HACE1: variants seen among roughly 807,000 people sequenced by gnomAD.
HACE1 encodes the protein HECT domain and ankyrin repeat containing E3 ubiquitin protein ligase 1, also known as E3 ubiquitin-protein ligase HACE1.
Under a neutral mutation model 118.4 loss-of-function variants are expected in HACE1, and 73 were observed. The ratio of observed to expected loss-of-function variants is 0.62; its 90% CI spans 0.51 to 0.75. The LOEUF (loss-of-function observed/expected upper bound fraction) is 0.75. Among genes scored for constraint, HACE1 ranks in the 30% least tolerant of loss-of-function variants. The pLI is 0.00. For synonymous variants in HACE1, 368 were observed against 374.8 expected (o/e 0.98, Z 0.21); for missense variants, 749 against 1,102.2 (o/e 0.68, Z 4.54).
At chr6:104,738,045 C>G (rs577049886) in intron 22 of HACE1, among the ~76,000 whole-genome samples, 10 of 151,536 alleles carry the variant, frequency 6.6e-5, no homozygotes, top group East Asian at 5.8e-4. Flanking sequence ...GAGGCACCCC[C>G]CAGCAGGGGC....
intron 4 of HACE1, among the ~76,000 whole-genome samples, chr6:104,846,234 G>T (rs1775658837): frequency 6.6e-6 from 1 of 152,142 alleles, no homozygotes; most frequent in Admixed American, 6.5e-5. Flanking sequence ...TAAATAAGTA[G>T]CTATTTTGCT....
chr6:104,851,135 G>A (rs1776163416), intron 2 of HACE1, 139 bp from the exon 3 acceptor site: 2 of 644,220 alleles, frequency 3.1e-6, no homozygotes, highest in Non-Finnish European at 5.7e-6. Context: ...CCAGGCTGGA[G>A]TACAGTGGCG....
rs375062721 is a variant in HACE1, at chr6:104,777,084, C to T, written c.1705G>A (p.Val569Ile). 5.6e-6 allele frequency: 9 copies of T among 1,611,236 alleles called. No homozygotes were observed. The highest frequency in any genetic ancestry group is 5.9e-6 in the Non-Finnish European group (7 of 1,177,504). The part of the protein sequence containing the change: ...RDSIFRSSCE[V>I]VSKANCAKLK... Reference sequence around the variant, plus strand: ...TTTGCACAATTTGCTTTTGACACAACTTCACAGCTACTCCTAAAAATAGAA... The same window carrying T: ...TTTGCACAATTTGCTTTTGACACAATTTCACAGCTACTCCTAAAAATAGAA... The change falls in exon 16 of 24, where the codon GTT (valine) becomes ATT (isoleucine). Residue 569 changes from valine to isoleucine, a missense_variant. By Grantham distance (29) the Val-to-Ile change is conservative. Around this residue, in one of 5 missense-constraint regions of HACE1, gnomAD observed 195 missense variants for 322.1 expected, o/e 0.61. Transcript: ENST00000262903.
chr6:104,737,805 C>A (rs527991913), intron 22 of HACE1, among the ~76,000 whole-genome samples: 1 of 152,198 alleles, frequency 6.6e-6, no homozygotes, highest in Non-Finnish European at 1.5e-5. Flanking sequence ...GCGGGGAAGC[C>A]CGAACTGGGT....
chr6:104,811,389 A>G lies in HACE1; in HGVS notation c.539T>C (p.Val180Ala). Reference protein sequence around the residue: ...VACQNGHKTTVQCLLDSGADI... With the variant: ...VACQNGHKTTAQCLLDSGADI... ...AGCACCACTGTCTAGCAAGCACTGC[A>G]CTGTCTGAGGGGGAAAAAATAATTA... The change falls in exon 7 of 24, where the codon GTG becomes GCG. Residue 180 changes from valine to alanine, a missense_variant. Transcript: ENST00000262903. The G allele has an allele frequency of 6.9e-7, 1 of 1,456,010 alleles. No individual in the cohort carries two copies. The highest frequency in any genetic ancestry group is 2.3e-5 in the East Asian group (1 of 43,762). The allele number at this position is 1,456,010 out of a possible 1,614,324, so 90.2% of individuals were successfully genotyped here.
chr6:104,780,220 T>C (rs920213974), intron 14 of HACE1: 25 of 222,666 alleles, frequency 1.1e-4, no homozygotes, highest in Admixed American at 2.8e-4. Context: ...ATGGAACCTT[T>C]TCAAGTAATT....
At chr6:104,832,519 G>A (rs1170951860) in intron 6 of HACE1, among the ~76,000 whole-genome samples, 2 of 151,878 alleles carry the variant, frequency 1.3e-5, no homozygotes, top group East Asian at 1.9e-4. Flanking sequence ...TCAGCCTCCG[G>A]AACAGCTGGG....
intron 22 of HACE1, chr6:104,731,669 G>A (rs1219273909): frequency 1.3e-5 from 2 of 151,948 alleles, no homozygotes; most frequent in African/African-American, 4.8e-5. Context: ...TCACTACAAC[G>A]AAAATGAAGT....
intron 19 of HACE1, chr6:104,766,898 T>A (rs1472452781): frequency 6.6e-6 from 1 of 152,198 alleles, no homozygotes; most frequent in Non-Finnish European, 1.5e-5. Context: ...CAAGCAGGCT[T>A]GAAATTTACA....
At chr6:104,803,080 A>G (rs192693164) in intron 7 of HACE1, among the ~76,000 whole-genome samples, 2 of 152,324 alleles carry the variant, frequency 1.3e-5, no homozygotes, top group East Asian at 3.9e-4. Flanking sequence ...AGAATACTAT[A>G]AACACCTCTA....
At chr6:104,801,556 A>C (rs540815483) in intron 7 of HACE1, among the ~76,000 whole-genome samples, 1 of 152,234 alleles carries the variant, frequency 6.6e-6, no homozygotes, top group Non-Finnish European at 1.5e-5. Context: ...AGTGGGGGCT[A>C]ATATTTGACA....
At chr6:104,787,166 T>C (rs1378112129) in intron 11 of HACE1, 1 of 152,112 alleles carries the variant, frequency 6.6e-6, no homozygotes, top group Non-Finnish European at 1.5e-5. Context: ...ACTACTACAA[T>C]CAACAAAAAC....
Position 104,785,012 on chromosome 6 carries a change from A to G in HACE1, c.1382T>C (p.Met461Thr), listed in dbSNP as rs1782193468. 5.6e-6 allele frequency: 9 copies of G among 1,613,440 alleles called. No homozygotes were observed. The highest frequency in any genetic ancestry group is 7.6e-6 in the Non-Finnish European group (9 of 1,179,722). Residue 461 changes from methionine to threonine, a missense_variant, in exon 12 of 24, where the codon ATG (methionine) becomes ACG (threonine). By Grantham distance (81) the Met-to-Thr change is moderately conservative. Around this residue, in one of 5 missense-constraint regions of HACE1, gnomAD observed 195 missense variants for 322.1 expected, o/e 0.61. Transcript: ENST00000262903. ...RLSAVIQAFY[M>T]CCSCQMPPGM... is the part of the protein sequence containing the mutation. The stretch of plus-strand genomic sequence containing the variant: ...CGGAGGCATCTGACAAGAACAGCAC[A>G]TGTAAAAAGCTTGAATGACAGCACT...
chr6:104,798,983 T>C lies in HACE1; in HGVS notation c.618-1958A>G, dbSNP rs1769997698. On this transcript the variant is annotated intron_variant, in intron 7 of 23. Coordinates refer to ENST00000262903, the MANE Select transcript of HACE1 (RefSeq NM_020771.4). Reference sequence around the variant, plus strand: ...CAAGCATGGCAGTTGTCTTATAGCATGTACTCAATACATTCAATGAATTGT... The same window carrying C: ...CAAGCATGGCAGTTGTCTTATAGCACGTACTCAATACATTCAATGAATTGT... Among the ~76,000 whole-genome samples the C allele has an allele frequency of 2.0e-5, 3 of 152,230 alleles. No individual in the cohort carries two copies. The South Asian group carries it at 6.2e-4, about 32-fold the overall frequency.
intron 7 of HACE1, among the ~76,000 whole-genome samples, chr6:104,807,828 CCTTT>C (rs1410874078): frequency 1.3e-5 from 2 of 152,046 alleles, no homozygotes; most frequent in African/African-American, 2.4e-5. Flanking sequence ...GCTGGAAAAC[CCTTT>C]CTATCATAAT....
At chr6:104,818,850 A>G (rs1772387620) in intron 6 of HACE1, among the ~76,000 whole-genome samples, 1 of 151,976 alleles carries the variant, frequency 6.6e-6, no homozygotes, top group Non-Finnish European at 1.5e-5. Context: ...TGTTTAAAAA[A>G]AAAAACTCTT....
chr6:104,790,491 G>A (rs773733547), intron 11 of HACE1, among the ~76,000 whole-genome samples: 4 of 152,178 alleles, frequency 2.6e-5, no homozygotes, highest in Admixed American at 6.5e-5. Flanking sequence ...AGTGGCTCAC[G>A]CCTGCAATCC....
chr6:104,812,271 A>G (rs1453692803), intron 6 of HACE1, among the ~76,000 whole-genome samples: 5 of 152,106 alleles, frequency 3.3e-5, no homozygotes, highest in Non-Finnish European at 2.9e-5. Flanking sequence ...GTGAGACCCC[A>G]TTTTTACAAA....
intron 1 of HACE1, chr6:104,858,469 G>A (rs983019509): frequency 1.5e-5 from 6 of 394,232 alleles, no homozygotes; most frequent in South Asian, 9.0e-5. Flanking sequence ...GGGGGGAGCA[G>A]GGTGCGGATC....
Sources: allele counts gnomAD v4.1 joint callset (sites outside exome capture counted in the v4.1 genomes callset), GRCh38; gene constraint gnomAD v4.1.1; regional missense constraint gnomAD v4.1.1; transcripts MANE v1.5; gene names NCBI Gene and HGNC (gene_info 2026-07-23, HGNC 2026-07-21).